Variants in UBE2F observed in about 807,000 individuals in gnomAD.
The protein encoded by UBE2F is NEDD8-conjugating enzyme UBE2F.
In UBE2F, 5 loss-of-function variants were observed where a neutral mutation model predicts 29.6. The ratio of observed to expected loss-of-function variants is 0.17; its 90% CI spans 0.09 to 0.36. The LOEUF is 0.36. UBE2F is among the 10% of genes least tolerant of loss of function. UBE2F has a pLI of 1.00. For synonymous variants in UBE2F, 66 were observed against 81.8 expected, an observed-to-expected ratio of 0.81 and a Z score of 1.04; for missense variants, 141 against 228.5, an observed-to-expected ratio of 0.62 and a Z score of 2.47.
intron 4 of UBE2F, chr2:238,003,453 C>T (rs1458196517): frequency 4.3e-6 from 2 of 469,520 alleles, no homozygotes; most frequent in Admixed American, 4.7e-5. Flanking sequence ...CTGATCTGTT[C>T]TCACATTGGT....
At chr2:238,008,128 A>G (rs1297722616) in intron 4 of UBE2F, among the ~76,000 whole-genome samples, 1 of 151,404 alleles carries the variant, frequency 6.6e-6, no homozygotes, top group East Asian at 1.9e-4. Context: ...CAGATGCACT[A>G]CCATGTCCAG....
rs146994547 is a variant in UBE2F, at chr2:237,982,784, G to A, written c.119-5179G>A. Among the ~76,000 whole-genome samples, 36 of 152,282 alleles carry A rather than the reference G, an allele frequency of 2.4e-4. No homozygotes were observed. Among genetic ancestry groups the A allele is most frequent in the African/African-American group, 8.2e-4 (34 of 41,548 alleles). On this transcript the variant is annotated intron_variant, in intron 2 of 9. Transcript: ENST00000272930. The surrounding 1 kb of genome is among the most constrained non-coding windows in gnomAD (Gnocchi z 4.1). ...AACAACTCATTTGCTCTTCACCTGT[G>A]TAGGTCACACCTGTGAGATGTGACC...
chr2:237,983,985 C>T (rs889366249), intron 2 of UBE2F, among the ~76,000 whole-genome samples: 2 of 152,058 alleles, frequency 1.3e-5, no homozygotes, highest in Non-Finnish European at 2.9e-5. Context: ...AACCCCTCAC[C>T]TTTGCCCTCA....
intron 9 of UBE2F, 43 bp from the exon 10 acceptor site, chr2:238,041,245 T>G: frequency 6.3e-7 from 1 of 1,595,812 alleles, no homozygotes; most frequent in Admixed American, 1.7e-5. Flanking sequence ...ACTCACTCAC[T>G]CCTCCTGTTC....
intron 2 of UBE2F, among the ~76,000 whole-genome samples, chr2:237,977,172 G>C (rs1466317912): frequency 2.6e-5 from 4 of 152,050 alleles, no homozygotes; most frequent in Admixed American, 2.6e-4. Context: ...GGGTTGACAG[G>C]GCCCAGCTGA....
chr2:238,002,459 C>A (rs7594965), intron 4 of UBE2F, among the ~76,000 whole-genome samples: 130,508 of 151,952 alleles, frequency 0.86, 56,176 homozygotes, highest in East Asian at 0.97. Flanking sequence ...CTGGTCTCGA[C>A]CTCCTGACCT....
intron 4 of UBE2F, among the ~76,000 whole-genome samples, chr2:238,014,158 C>G (rs1172292430): frequency 6.6e-6 from 1 of 152,214 alleles, no homozygotes; most frequent in Non-Finnish European, 1.5e-5. Flanking sequence ...ATAAGAGATG[C>G]TCTTGGGTTT....
At chr2:238,027,667 T>C (rs1414111670) in intron 6 of UBE2F, among the ~76,000 whole-genome samples, 1 of 152,238 alleles carries the variant, frequency 6.6e-6, no homozygotes, top group Non-Finnish European at 1.5e-5. Flanking sequence ...GCCAGATTGA[T>C]GTACGGGGAC....
intron 5 of UBE2F, among the ~76,000 whole-genome samples, chr2:238,023,177 A>G (rs1172111571): frequency 6.6e-6 from 1 of 152,154 alleles, no homozygotes. Flanking sequence ...CTAGCCTGCC[A>G]CCATCCAGTG....
chr2:237,987,401 CTG>C (rs2063500923), intron 2 of UBE2F, among the ~76,000 whole-genome samples: 1 of 152,160 alleles, frequency 6.6e-6, no homozygotes, highest in Admixed American at 6.5e-5. Flanking sequence ...ACTTCTAACA[CTG>C]TGTTGAATAG....
chr2:237,968,143 G>C (rs1674800047), intron 1 of UBE2F, among the ~76,000 whole-genome samples: 1 of 152,152 alleles, frequency 6.6e-6, no homozygotes, highest in South Asian at 2.1e-4. Context: ...GGCCTGCCTG[G>C]TGCAGAGGAA....
chr2:238,009,303 T>G (rs1203444819), intron 4 of UBE2F, among the ~76,000 whole-genome samples: 1 of 152,216 alleles, frequency 6.6e-6, no homozygotes, highest in Admixed American at 6.5e-5. Flanking sequence ...AACATTTCTT[T>G]AAATATTTTT....
At chr2:238,016,689 C>A in intron 5 of UBE2F, 56 bp downstream of exon 5, 1 of 1,505,506 alleles carries the variant, frequency 6.6e-7, no homozygotes, top group Non-Finnish European at 9.1e-7. Context: ...CTGCCTGTGG[C>A]TGTGGCCCGC....
In UBE2F at chr2:237,982,044, A is replaced by C. The variant is rs2063389783; in HGVS notation, c.119-5919A>C. On this transcript the variant is annotated intron_variant, in intron 2 of 9. Transcript: ENST00000272930. The surrounding 1 kb of genome is among the most constrained non-coding windows in gnomAD (Gnocchi z 4.1). ...GGTACTGGATTGTGGTAATGGATCC[A>C]TAGCTCCAAAATGTACTACAATTTA... Among the ~76,000 whole-genome samples the C allele has an allele frequency of 6.6e-6, 1 of 152,210 alleles. No homozygotes were observed. Among genetic ancestry groups the C allele is most frequent in the South Asian group, 2.1e-4 (1 of 4,836 alleles).
intron 4 of UBE2F, among the ~76,000 whole-genome samples, chr2:238,005,717 G>C (rs927153135): frequency 6.6e-6 from 1 of 151,856 alleles, no homozygotes; most frequent in African/African-American, 2.4e-5. Context: ...GACTATATGT[G>C]TGTGGGTGTG....
chr2:237,991,841 T>C (rs1354673778), intron 3 of UBE2F, among the ~76,000 whole-genome samples: 1 of 151,006 alleles, frequency 6.6e-6, no homozygotes, highest in African/African-American at 2.4e-5. Flanking sequence ...GGCATAGTTT[T>C]ATTGCTTTGT....
At chr2:237,969,664 C>T (rs914520182) in intron 1 of UBE2F, among the ~76,000 whole-genome samples, 3 of 152,062 alleles carry the variant, frequency 2.0e-5, no homozygotes, top group Non-Finnish European at 2.9e-5. Context: ...AGTCTGCACA[C>T]GGGGCAGCAG....
At chr2:238,022,931 C>T (rs1196045182) in intron 5 of UBE2F, among the ~76,000 whole-genome samples, 1 of 152,166 alleles carries the variant, frequency 6.6e-6, no homozygotes, top group Non-Finnish European at 1.5e-5. Flanking sequence ...TCTGGAACCA[C>T]AGTTAAGAGG....
At chr2:238,036,681 C>T (rs1468688748) in intron 9 of UBE2F, among the ~76,000 whole-genome samples, 1 of 152,136 alleles carries the variant, frequency 6.6e-6, no homozygotes. Context: ...CAAAAATTAG[C>T]CAGGCATGGT....
Sources: gnomAD v4.1 joint callset for allele counts (sites outside exome capture counted in the v4.1 genomes callset) on GRCh38, gnomAD v4.1.1 for gene constraint, Gnocchi (gnomAD v3.1) non-coding constraint, MANE v1.5 for transcripts, NCBI Gene and HGNC (gene_info 2026-07-23, HGNC 2026-07-21) for gene names.